Variants in SLC8A1 observed in about 807,000 individuals in gnomAD.
SLC8A1 encodes solute carrier family 8 member A1.
In SLC8A1, 18 loss-of-function variants were observed where a neutral mutation model predicts 68.3. The ratio of observed to expected loss-of-function variants is 0.26; its 90% CI spans 0.18 to 0.39. The LOEUF (loss-of-function observed/expected upper bound fraction) is 0.39, where lower values mean the gene tolerates loss of function less well. Among genes scored for constraint, SLC8A1 ranks in the 10% least tolerant of loss-of-function variants. The pLI, the probability that SLC8A1 is intolerant of heterozygous loss-of-function variation, is 1.00. For missense variants in SLC8A1, 985 were observed against 1,156.7 expected (o/e 0.85, Z 2.15); for synonymous variants, 475 against 415.5 (o/e 1.14, Z -1.74).
rs70957173 is a variant in SLC8A1 at position 40,415,859 on chromosome 2, T to TACACACAC, written c.1808+12606_1808+12613dup. 4.1e-3 allele frequency among the ~76,000 whole-genome samples: 470 copies of TACACACAC among 113,562 alleles called. 6 individuals carry two copies. Among genetic ancestry groups the TACACACAC allele is most frequent in the Middle Eastern group, 0.014 (3 of 216 alleles). 74.5% of individuals were successfully genotyped at this position (113,562 alleles called of 152,430 possible). ...TGAAACCCCATCTCTACTAAAAGTA[T>TACACACAC]ACACACACACACACACACACACACA... On this transcript the variant is annotated intron_variant, in intron 2 of 7. Transcript: ENST00000406785.
At chr2:40,143,747 C>T (rs766387278) in intron 6 of SLC8A1, among the ~76,000 whole-genome samples, 21 of 152,208 alleles carry the variant, frequency 1.4e-4, no homozygotes, top group African/African-American at 4.8e-4. Context: ...CGGTGAAAGA[C>T]AACCCCCTGG....
intron 1 of SLC8A1, among the ~76,000 whole-genome samples, chr2:40,461,244 C>T (rs1050218780): frequency 1.9e-4 from 29 of 152,070 alleles, no homozygotes; most frequent in Non-Finnish European, 1.5e-5. Flanking sequence ...ATGGAGGGTG[C>T]TAGTCTGCTG....
At position 40,506,657 on chromosome 2, in the gene SLC8A1, T is replaced by C. The variant is rs1706390388; in HGVS notation, c.-25+5692A>G. On this transcript the variant is annotated intron_variant, in intron 1 of 7. Coordinates refer to the SLC8A1 transcript ENST00000402441. ...TCAGGGTCTATAGATTTATGGGACC[T>C]GAAGGAATTCAATTTTGTGTTTAAA... is the stretch of plus-strand genomic sequence containing the variant. 2.0e-5 allele frequency among the ~76,000 whole-genome samples: 3 copies of C among 151,034 alleles called. No individual in the cohort carries two copies. In the South Asian group the frequency reaches 6.2e-4, roughly 31 times the overall value.
At chr2:40,158,426 G>C (rs423818) in intron 6 of SLC8A1, among the ~76,000 whole-genome samples, 11 of 152,208 alleles carry the variant, frequency 7.2e-5, no homozygotes, top group Non-Finnish European at 1.6e-4. Context: ...AAATAAGGTC[G>C]ATTTACCCAG....
Position 40,494,452 on chromosome 2 carries a change from C to T in SLC8A1, c.-25+17897G>A, listed in dbSNP as rs188858318. Among the ~76,000 whole-genome samples the T allele has an allele frequency of 4.7e-3, 712 of 151,552 alleles. 1 individual carries two copies. Among genetic ancestry groups the T allele is most frequent in the African/African-American group, 0.011 (436 of 41,294 alleles). On this transcript the variant is annotated intron_variant, in intron 1 of 7. Coordinates refer to the SLC8A1 transcript ENST00000402441. ...AAGTCTTTGCTATTGTGAGTAGTGCCGCAATAAACATACGTGTGCATGTGT... is the reference window on the plus strand; with the variant it reads ...AAGTCTTTGCTATTGTGAGTAGTGCTGCAATAAACATACGTGTGCATGTGT...
chr2:40,502,109 A>G (rs945371110), intron 1 of SLC8A1, among the ~76,000 whole-genome samples: 5 of 152,132 alleles, frequency 3.3e-5, no homozygotes, highest in African/African-American at 1.2e-4. Context: ...CAATGGATAT[A>G]GACAGAAAAG....
intron 4 of SLC8A1, among the ~76,000 whole-genome samples, chr2:40,166,307 G>C (rs440387): frequency 0.77 from 116,703 of 152,104 alleles, 45,463 homozygotes; most frequent in East Asian, 0.99. Flanking sequence ...GCTAGAGGCA[G>C]TGCCAGCATT....
At position 40,450,991 on chromosome 2, in the gene SLC8A1, G is replaced by A. The variant is rs1391750662; in HGVS notation, c.-25+913C>T. 2.0e-5 allele frequency among the ~76,000 whole-genome samples: 3 copies of A among 152,158 alleles called. No individual in the cohort carries two copies. The East Asian group carries it at 5.8e-4, about 29-fold the overall frequency. On this transcript the variant is annotated intron_variant, in intron 1 of 7. Coordinates refer to ENST00000406785, the Ensembl canonical transcript of SLC8A1. Reference sequence around the variant, plus strand: ...TGGTGGGGGGGATAGAGAAGAGGCGGGGGTGATGCAGGGGGTGGATTTAAA... The same window carrying A: ...TGGTGGGGGGGATAGAGAAGAGGCGAGGGTGATGCAGGGGGTGGATTTAAA...
chr2:40,233,229 T>C (rs944651344), intron 2 of SLC8A1, among the ~76,000 whole-genome samples: 1 of 152,200 alleles, frequency 6.6e-6, no homozygotes, highest in African/African-American at 2.4e-5. Flanking sequence ...TGTAAAAGTG[T>C]TCCTATTTCT....
chr2:40,101,190 G>T (rs2033870102), exon 8 of SLC8A1: 1 of 152,078 alleles, frequency 6.6e-6, no homozygotes, highest in African/African-American at 2.4e-5. Context: ...AGAGACCCTA[G>T]AAAGGAGCCT....
chr2:40,180,666 C>G (rs1480397670), intron 2 of SLC8A1, among the ~76,000 whole-genome samples: 4 of 152,206 alleles, frequency 2.6e-5, no homozygotes, highest in Non-Finnish European at 5.9e-5. Context: ...TTGTGAGAGT[C>G]ACGTTGCAAT....
In SLC8A1 at chr2:40,333,606, A is replaced by T. The variant is rs540893992; in HGVS notation, c.1808+94867T>A. The stretch of plus-strand genomic sequence containing the variant: ...GAGCTTATTCTACTTTGTGGTAGAA[A>T]ATATATATATTTTTCTAACTCTCAT... On this transcript the variant is annotated intron_variant, in intron 2 of 7. Transcript: ENST00000406785. Among the ~76,000 whole-genome samples, 13 of 152,252 alleles carry T rather than the reference A, an allele frequency of 8.5e-5. 1 individual carries two copies. In the South Asian group the frequency reaches 2.7e-3, roughly 32 times the overall value.
At chr2:40,490,198 T>G (rs1380268374) in intron 1 of SLC8A1, among the ~76,000 whole-genome samples, 1 of 152,136 alleles carries the variant, frequency 6.6e-6, no homozygotes, top group Non-Finnish European at 1.5e-5. Context: ...AATCACGTAT[T>G]TATAAGGGCA....
At chr2:40,218,815 G>T (rs191664214) in intron 2 of SLC8A1, among the ~76,000 whole-genome samples, 1 of 152,076 alleles carries the variant, frequency 6.6e-6, no homozygotes, top group Non-Finnish European at 1.5e-5. Context: ...CACCTCTATC[G>T]TTGGATGAAA....
chr2:40,116,581 C>T (rs1460989876), intron 7 of SLC8A1, among the ~76,000 whole-genome samples: 1 of 151,742 alleles, frequency 6.6e-6, no homozygotes, highest in East Asian at 1.9e-4. Context: ...TTTGTTCTTG[C>T]GATAGTTTAC....
At chr2:40,360,677 C>G in intron 2 of SLC8A1, among the ~76,000 whole-genome samples, 1 of 152,134 alleles carries the variant, frequency 6.6e-6, no homozygotes, top group East Asian at 1.9e-4. Context: ...CCCAAGGTCA[C>G]ATAGCTGTAA....
At chr2:40,112,062 A>G (rs1454622472) in exon 8 of SLC8A1, 1 of 152,284 alleles carries the variant, frequency 6.6e-6, no homozygotes, top group Admixed American at 6.5e-5. Flanking sequence ...AGAACATTGC[A>G]TGACCGAAGG....
chr2:40,426,799 C>G (rs1378920238), intron 2 of SLC8A1, among the ~76,000 whole-genome samples: 2 of 151,936 alleles, frequency 1.3e-5, no homozygotes, highest in African/African-American at 4.8e-5. Context: ...ATTACAAGTG[C>G]TATCTACTAC....
chr2:40,150,803 T>C (rs2043275119), intron 6 of SLC8A1, among the ~76,000 whole-genome samples: 1 of 152,202 alleles, frequency 6.6e-6, no homozygotes, highest in African/African-American at 2.4e-5. Context: ...TTGCTTTTTT[T>C]CTCCCACCCT....
Sources: allele counts gnomAD v4.1 joint callset (sites outside exome capture counted in the v4.1 genomes callset), GRCh38; gene constraint gnomAD v4.1.1; transcripts MANE v1.5; gene names NCBI Gene and HGNC (gene_info 2026-07-23, HGNC 2026-07-21).